SLC16A2: variants seen among roughly 807,000 people sequenced by gnomAD.
The protein encoded by SLC16A2 is monocarboxylate transporter 8.
In SLC16A2, 3 loss-of-function variants were observed where a neutral mutation model predicts 27.2. That is an observed-to-expected ratio of 0.11 (90% CI 0.05 to 0.28). The LOEUF (loss-of-function observed/expected upper bound fraction) is 0.28, where lower values mean the gene tolerates loss of function less well. Among genes scored for constraint, SLC16A2 ranks in the 10% least tolerant of loss-of-function variants. The pLI is 1.00. For synonymous variants in SLC16A2, 202 were observed against 187.8 expected, an observed-to-expected ratio of 1.08 and a Z score of -0.62; for missense variants, 295 against 458.5, an observed-to-expected ratio of 0.64 and a Z score of 3.26.
At chrX:74,497,732 C>T (rs949293836) in intron 1 of SLC16A2, among the ~76,000 whole-genome samples, 3 of 109,497 alleles carry the variant, frequency 2.7e-5, no homozygotes, top group African/African-American at 1.0e-4. Flanking sequence ...ATGTTTCCTT[C>T]TTCAAACCAG....
chrX:74,508,403 T>G (rs1170459668), intron 1 of SLC16A2, among the ~76,000 whole-genome samples: 1 of 112,130 alleles, frequency 8.9e-6, no homozygotes, highest in African/African-American at 3.2e-5. Flanking sequence ...AATATAGAGG[T>G]CTGACATGTT....
chrX:74,472,186 T>C (rs1330522075), intron 1 of SLC16A2, among the ~76,000 whole-genome samples: 1 of 112,157 alleles, frequency 8.9e-6, no homozygotes, highest in Non-Finnish European at 1.9e-5. Context: ...ATTTTGGGTA[T>C]ATACCCAGAA....
chrX:74,486,436 C>T (rs550243362), intron 1 of SLC16A2, among the ~76,000 whole-genome samples: 1 of 112,304 alleles, frequency 8.9e-6, no homozygotes, highest in African/African-American at 3.2e-5. Flanking sequence ...GACAATCTGA[C>T]CTTGACCTAA....
intron 1 of SLC16A2, among the ~76,000 whole-genome samples, chrX:74,519,599 C>G (rs1202661559): frequency 9.7e-6 from 1 of 103,520 alleles, no homozygotes; most frequent in African/African-American, 3.5e-5. Context: ...ACCTGTAGTC[C>G]CAGCTACTCA....
At chrX:74,465,265 C>A (rs1387021720) in intron 1 of SLC16A2, among the ~76,000 whole-genome samples, 3 of 111,475 alleles carry the variant, frequency 2.7e-5, no homozygotes, top group Non-Finnish European at 1.9e-5. Flanking sequence ...ACTCTTCAGG[C>A]CATGAGGAGA....
At chrX:74,448,555 G>A (rs1928881710) in intron 1 of SLC16A2, among the ~76,000 whole-genome samples, 1 of 110,830 alleles carries the variant, frequency 9.0e-6, no homozygotes, top group Non-Finnish European at 1.9e-5. Context: ...AGGTCTCCAA[G>A]TCCTTGAGCT....
chrX:74,500,258 C>A (rs932679397), intron 1 of SLC16A2, among the ~76,000 whole-genome samples: 1 of 111,218 alleles, frequency 9.0e-6, no homozygotes, highest in Non-Finnish European at 1.9e-5. Flanking sequence ...TCCCTTATTT[C>A]TCAGAGCTGG....
rs996029350 is a variant in SLC16A2, at chrX:74,421,904, G to A, written c.267G>A (p.Ala89=). ...CTACGGTAGAGACCCGCGGCACCGC[G>A]CGCGGCTTCCAGCCTCCCGAAGGTG... ...PTPTVETRGT[A]RGFQPPEGGF... is the part of the protein sequence containing the mutation. Residue 89 remains alanine, a synonymous_variant, in exon 1 of 6, where the codon GCG becomes GCA. Coordinates refer to ENST00000587091, the MANE Select transcript of SLC16A2 (RefSeq NM_006517.5). The A allele has an allele frequency of 8.3e-7, 1 of 1,210,712 alleles. No homozygotes were observed. Among genetic ancestry groups the A allele is most frequent in the South Asian group, 1.8e-5 (1 of 56,803 alleles).
chrX:74,500,215 T>G (rs1930007157), intron 1 of SLC16A2, among the ~76,000 whole-genome samples: 1 of 110,842 alleles, frequency 9.0e-6, no homozygotes, highest in South Asian at 3.9e-4. Context: ...AGACTTTGGA[T>G]GAAGGAGGAA....
intron 1 of SLC16A2, among the ~76,000 whole-genome samples, chrX:74,450,066 A>G (rs372239119): frequency 2.2e-4 from 25 of 112,071 alleles, no homozygotes; most frequent in African/African-American, 8.1e-4. Context: ...ATGACTAATA[A>G]ATAGATAATT....
At chrX:74,424,725 C>T (rs1419115588) in intron 1 of SLC16A2, among the ~76,000 whole-genome samples, 4 of 112,016 alleles carry the variant, frequency 3.6e-5, no homozygotes, top group African/African-American at 1.3e-4. Flanking sequence ...TGTTTGGAGG[C>T]ACCTCGTAAC....
chrX:74,440,270 C>T (rs1055968206), intron 1 of SLC16A2, among the ~76,000 whole-genome samples: 1 of 111,639 alleles, frequency 9.0e-6, no homozygotes, highest in African/African-American at 3.3e-5. Flanking sequence ...CAGGCATAAA[C>T]TAGAATTGTC....
intron 1 of SLC16A2, among the ~76,000 whole-genome samples, chrX:74,448,819 C>T (rs751920076): frequency 1.5e-4 from 17 of 109,775 alleles, no homozygotes; most frequent in Non-Finnish European, 2.1e-4. Flanking sequence ...GGAATTTGGG[C>T]GTCATTCCCA....
chrX:74,487,281 T>A (rs982966963), intron 1 of SLC16A2, among the ~76,000 whole-genome samples: 1 of 110,883 alleles, frequency 9.0e-6, no homozygotes, highest in Non-Finnish European at 1.9e-5. Context: ...AAATTTAACA[T>A]GACCTGGGTA....
At chrX:74,512,454 C>T (rs1392304635) in intron 1 of SLC16A2, among the ~76,000 whole-genome samples, 2 of 112,417 alleles carry the variant, frequency 1.8e-5, no homozygotes, top group African/African-American at 6.5e-5. Flanking sequence ...CCTGTGTCAG[C>T]CACCTTATCT....
At chrX:74,423,974 C>T (rs1928359717) in intron 1 of SLC16A2, among the ~76,000 whole-genome samples, 1 of 110,152 alleles carries the variant, frequency 9.1e-6, no homozygotes, top group African/African-American at 3.3e-5. Flanking sequence ...GGAAAAACCA[C>T]TATTTTACCA....
chrX:74,510,612 T>C (rs1177763972), intron 1 of SLC16A2, among the ~76,000 whole-genome samples: 1 of 111,950 alleles, frequency 8.9e-6, no homozygotes, highest in East Asian at 2.8e-4. Flanking sequence ...TTTGACTCTC[T>C]GTAAAATTAG....
intron 1 of SLC16A2, among the ~76,000 whole-genome samples, chrX:74,447,006 A>C (rs1314255282): frequency 8.9e-6 from 1 of 111,963 alleles, no homozygotes; most frequent in Non-Finnish European, 1.9e-5. Context: ...GAAGGTCTCT[A>C]TTTTCTTACT....
chrX:74,507,594 T>A (rs1412948096), intron 1 of SLC16A2, among the ~76,000 whole-genome samples: 1 of 112,256 alleles, frequency 8.9e-6, no homozygotes, highest in Admixed American at 9.5e-5. Flanking sequence ...ACAGCAATAT[T>A]CACAATAGCA....
Sources: gnomAD v4.1 joint callset for allele counts (sites outside exome capture counted in the v4.1 genomes callset) on GRCh38, gnomAD v4.1.1 for gene constraint, MANE v1.5 for transcripts, NCBI Gene and HGNC (gene_info 2026-07-23, HGNC 2026-07-21) for gene names.